Variants in PATJ observed in about 807,000 individuals in gnomAD.
PATJ encodes PATJ crumbs cell polarity complex component.
PATJ carries 190 observed loss-of-function variants against 224.9 expected under a neutral mutation model. The observed-to-expected ratio is 0.84, with a 90% CI of 0.75 to 0.95. PATJ has a LOEUF of 0.95. Among genes scored for constraint, PATJ ranks in the 40% least tolerant of loss-of-function variants. The pLI is 0.00. For missense variants in PATJ, 2,121 were observed against 2,270.3 expected (o/e 0.93, Z 1.34); for synonymous variants, 769 against 820.3 (o/e 0.94, Z 1.07).
chr1:61,789,967 G>C (rs1649432387), intron 8 of PATJ, among the ~76,000 whole-genome samples: 1 of 152,060 alleles, frequency 6.6e-6, no homozygotes, highest in African/African-American at 2.4e-5. Context: ...TCATGTTAAT[G>C]TTTTGAATTA....
chr1:62,160,914 G>A lies in PATJ; in HGVS notation c.5509G>A (p.Ala1837Thr). Residue 1837 changes from alanine to threonine, a missense_variant, in exon 44 of 44, where the codon GCT becomes ACT. By Grantham distance (58) the Ala-to-Thr change is moderately conservative (BLOSUM62 0). Transcript: ENST00000642238. ...AAATGTTTCTTGTTTGTAGGGAGCA[G>A]CTGCAGATGACGGCCGATTAAAACG... ...YVKTVFAKGA[A>T]ADDGRLKRGD... is the part of the protein sequence containing the mutation. 2 of 1,613,976 alleles carry A rather than the reference G, an allele frequency of 1.2e-6. No homozygotes were observed. The highest frequency in any genetic ancestry group is 1.7e-6 in the Non-Finnish European group (2 of 1,179,986).
intron 33 of PATJ, among the ~76,000 whole-genome samples, chr1:62,107,881 A>C (rs761967885): frequency 5.9e-5 from 9 of 152,204 alleles, no homozygotes; most frequent in Non-Finnish European, 1.2e-4. Flanking sequence ...TTAATTGCCC[A>C]AGATTACAAG....
rs532563440 is a variant in PATJ, at chr1:61,765,152, G to A, written c.190-1127G>A. 6.0e-5 allele frequency among the ~76,000 whole-genome samples: 7 copies of A among 115,716 alleles called. No individual in the cohort carries two copies. The South Asian group carries it at 2.1e-3, about 35-fold the overall frequency. The allele number at this position is 115,716 out of a possible 152,430, so 75.9% of individuals were successfully genotyped here. ...TACAGTGGTGTGATTATGGATCATT[G>A]TAGCCTCAACCTCCTGGGCTCAAGC... is the stretch of plus-strand genomic sequence containing the variant. On this transcript the variant is annotated intron_variant, in intron 3 of 43. Transcript: ENST00000642238.
chr1:62,051,043 T>C lies in PATJ; in HGVS notation c.4110T>C (p.Ser1370=). The change falls in exon 31 of 44, where the codon AGT becomes AGC. Residue 1370 remains serine, a synonymous_variant. Transcript: ENST00000642238. The stretch of plus-strand genomic sequence containing the variant: ...TTGGTATTAAACAATTGCCTGAAAG[T>C]GAAAGCTTCAAACTGGTGAGAATCT... The part of the protein sequence containing the change: ...VEVGIKQLPE[S]ESFKLAVSQM... 1.2e-6 allele frequency: 2 copies of C among 1,612,192 alleles called. No individual in the cohort carries two copies. Among genetic ancestry groups the C allele is most frequent in the Non-Finnish European group, 1.7e-6 (2 of 1,178,312 alleles).
chr1:61,775,305 A>C lies in PATJ; in HGVS notation c.820A>C (p.Thr274Pro), dbSNP rs375409503. The C allele has an allele frequency of 2.0e-5, 32 of 1,613,390 alleles. No individual in the cohort carries two copies. The highest frequency in any genetic ancestry group is 2.5e-5 in the Non-Finnish European group (30 of 1,179,786). The change falls in exon 7 of 44, where the codon ACT (threonine) becomes CCT (proline). Residue 274 changes from threonine (T) to proline (P), a missense_variant. Transcript: ENST00000642238. The stretch of plus-strand genomic sequence containing the variant: ...AAAAACAAGTGGCGTGGTTGTGAGG[A>C]CTATAGTTCCTGGAGGATTAGCAGA... ...GGKTSGVVVR[T>P]IVPGGLADRD...
At chr1:61,908,724 G>A (rs1280909567) in intron 25 of PATJ, among the ~76,000 whole-genome samples, 2 of 152,122 alleles carry the variant, frequency 1.3e-5, no homozygotes, top group East Asian at 3.9e-4. Context: ...GAATCAAACA[G>A]ACCTGTTTTC....
chr1:61,783,787 G>T (rs1420926783), intron 7 of PATJ, among the ~76,000 whole-genome samples: 3 of 115,224 alleles, frequency 2.6e-5, no homozygotes, highest in Non-Finnish European at 3.3e-5. Flanking sequence ...TTGCTCTGTT[G>T]CTCAGGCTGG....
intron 30 of PATJ, among the ~76,000 whole-genome samples, chr1:62,049,477 C>G (rs1653191187): frequency 6.6e-6 from 1 of 152,148 alleles, no homozygotes; most frequent in African/African-American, 2.4e-5. Flanking sequence ...AATCAAAACT[C>G]TTTTCCCTAT....
intron 27 of PATJ, among the ~76,000 whole-genome samples, chr1:61,954,001 C>T (rs1019513317): frequency 6.6e-6 from 1 of 152,126 alleles, no homozygotes; most frequent in Non-Finnish European, 1.5e-5. Context: ...GTGTCCTTTG[C>T]GCTTTGTTGA....
intron 25 of PATJ, 62 bp from the exon 26 acceptor site, chr1:61,914,525 A>G: frequency 1.3e-6 from 1 of 781,694 alleles, no homozygotes; most frequent in Non-Finnish European, 2.1e-6. Flanking sequence ...CAAGAGAAAA[A>G]AAAGGAATGA....
chr1:62,080,462 G>C (rs966898729), intron 32 of PATJ, among the ~76,000 whole-genome samples: 2 of 152,014 alleles, frequency 1.3e-5, no homozygotes, highest in African/African-American at 4.8e-5. Context: ...CTCCTGAGTA[G>C]CTGGGATTAC....
intron 27 of PATJ, among the ~76,000 whole-genome samples, chr1:61,946,625 T>C (rs1678761906): frequency 6.6e-6 from 1 of 152,208 alleles, no homozygotes; most frequent in Non-Finnish European, 1.5e-5. Context: ...CACAGCCGAA[T>C]TCTACCAGAG....
chr1:62,007,071 A>G (rs996952372), intron 28 of PATJ, among the ~76,000 whole-genome samples: 1 of 152,240 alleles, frequency 6.6e-6, no homozygotes, highest in African/African-American at 2.4e-5. Flanking sequence ...GACCACCATT[A>G]TATATGTGGT....
rs200785956 is a variant in PATJ, at chr1:61,833,792, G to A, written c.2112+7G>A. On this transcript the variant is annotated splice_region_variant and intron_variant, in intron 17 of 43. Coordinates refer to ENST00000642238, the MANE Select transcript of PATJ (RefSeq NM_001350145.3). ...CAGCATTTTGGATTACCAGGTATAA[G>A]AACCTGTGTAGAGGTGTTTTCTTTG... is the stretch of plus-strand genomic sequence containing the variant. 2.0e-5 allele frequency: 33 copies of A among 1,612,192 alleles called. 1 individual carries two copies. The highest frequency in any genetic ancestry group is 5.5e-5 in the South Asian group (5 of 90,812).
intron 30 of PATJ, chr1:62,038,912 C>G: frequency 2.1e-6 from 2 of 963,682 alleles, no homozygotes; most frequent in South Asian, 2.6e-5. Context: ...GTCCTGTGCA[C>G]AGATTCACTT....
At chr1:62,095,827 GT>G (rs1558161079) in intron 33 of PATJ, among the ~76,000 whole-genome samples, 1 of 152,142 alleles carries the variant, frequency 6.6e-6, no homozygotes, top group Non-Finnish European at 1.5e-5. Context: ...ACAGAGGCAG[GT>G]TTTTCCAAGC....
chr1:62,041,479 A>G (rs1488694462), intron 30 of PATJ, among the ~76,000 whole-genome samples: 1 of 152,160 alleles, frequency 6.6e-6, no homozygotes, highest in Non-Finnish European at 1.5e-5. Context: ...AAGTGTTGGT[A>G]TTGGAAGCAA....
Position 61,938,313 on chromosome 1 carries a change from A to G in PATJ, c.3670+10484A>G, listed in dbSNP as rs74076829. Among the ~76,000 whole-genome samples, 431 of 152,290 alleles carry G rather than the reference A, an allele frequency of 2.8e-3. 1 individual carries two copies. Among genetic ancestry groups the G allele is most frequent in the African/African-American group, 9.8e-3 (408 of 41,576 alleles). ...GAAGAATTATTTTGTCCAGAGTGCT[A>G]GTATTGTAACAGCATTCTTGATTAT... is the stretch of plus-strand genomic sequence containing the variant. On this transcript the variant is annotated intron_variant, in intron 27 of 43. Transcript: ENST00000642238.
intron 27 of PATJ, chr1:61,952,491 G>A (rs1679864863): frequency 8.5e-6 from 6 of 709,978 alleles, no homozygotes; most frequent in Non-Finnish European, 1.6e-5. Context: ...TGCAGAATGT[G>A]GTTTTAAAGG....
Sources: allele counts gnomAD v4.1 joint callset (sites outside exome capture counted in the v4.1 genomes callset), GRCh38; gene constraint gnomAD v4.1.1; transcripts MANE v1.5; gene names NCBI Gene and HGNC (gene_info 2026-07-23, HGNC 2026-07-21).